PTCH1: variants seen among roughly 807,000 people sequenced by gnomAD.
PTCH1 encodes the protein protein patched homolog 1.
Under a neutral mutation model 144.6 loss-of-function variants are expected in PTCH1, and 14 were observed. The observed-to-expected ratio is 0.10, with a 90% CI of 0.06 to 0.15. PTCH1 has a LOEUF of 0.15. PTCH1 is among the 10% of genes least tolerant of loss of function. The probability of loss-of-function intolerance (pLI) is 1.00; values close to 1 mark genes in which losing one functional copy is unlikely to be tolerated. For synonymous variants in PTCH1, 833 were observed against 793.6 expected (o/e 1.05, Z -0.83); for missense variants, 1,623 against 1,948.3 (o/e 0.83, Z 3.14).
intron 14 of PTCH1, 151 bp downstream of exon 14, chr9:95,468,600 C>T (rs1840249014): frequency 2.9e-6 from 3 of 1,022,264 alleles, no homozygotes; most frequent in Non-Finnish European, 4.5e-6. Flanking sequence ...GCTCTAAAAG[C>T]ATTGACTTTT....
Position 95,508,741 on chromosome 9 carries a change from C to T in PTCH1, c.-380G>A, listed in dbSNP as rs1014287189. On this transcript the variant is annotated 5_prime_UTR_variant, in exon 1 of 24. Transcript: ENST00000331920. ...GGCACTCCTTGCGGTCCCCAACTCC[C>T]CCTACCCGCCCCCCGCCCCGCGCCG... 7.1e-6 allele frequency: 7 copies of T among 985,886 alleles called. No individual in the cohort carries two copies. In the Admixed American group the frequency reaches 1.8e-4, roughly 26 times the overall value. 61.1% of individuals were successfully genotyped at this position (985,886 alleles called of 1,614,324 possible).
chr9:95,456,893 A>G (rs542672103), intron 18 of PTCH1, among the ~76,000 whole-genome samples: 1 of 152,274 alleles, frequency 6.6e-6, no homozygotes, highest in South Asian at 2.1e-4. Context: ...CGGGGTGAAT[A>G]AAAGATTTGC....
intron 23 of PTCH1, 177 bp downstream of exon 23, chr9:95,446,734 A>C (rs1370259167): frequency 2.5e-6 from 2 of 793,180 alleles, no homozygotes; most frequent in Non-Finnish European, 4.1e-6. Flanking sequence ...TGGTTCCCCA[A>C]GGATGACAAA....
rs1346755994 is a variant in PTCH1 at position 95,458,847 on chromosome 9, A to C, written c.2888-554T>G. ...TCTGGGGTCATTCAGTTGACTTGCT[A>C]AACATGATTTGCCCTATTATAATCT... On this transcript the variant is annotated intron_variant, in intron 17 of 23. Coordinates refer to ENST00000331920, the MANE Select transcript of PTCH1 (RefSeq NM_000264.5). This position sits in a 1 kb window ranked among gnomAD's most constrained non-coding sequence, Gnocchi z 4.7. Among the ~76,000 whole-genome samples, 3 of 152,184 alleles carry C rather than the reference A, an allele frequency of 2.0e-5. No individual in the cohort carries two copies. Among genetic ancestry groups the C allele is most frequent in the Non-Finnish European group, 4.4e-5 (3 of 68,032 alleles).
rs1843899190 is a variant in PTCH1, at chr9:95,508,265, G to A, written c.97C>T (p.Arg33Cys). The change falls in exon 1 of 24, where the codon CGC (arginine) becomes TGC (cysteine). Residue 33 changes from arginine to cysteine, a missense_variant. Transcript: ENST00000331920. Reference sequence around the variant, plus strand: ...CGGCGCAGCCCCCCCGTCCGTCTGCGCCTCCCGCCTCCAGCCGGCCGTCCC... The same window carrying A: ...CGGCGCAGCCCCCCCGTCCGTCTGCACCTCCCGCCTCCAGCCGGCCGTCCC... The part of the protein sequence containing the change: ...APGRPAGGGR[R>C]RRTGGLRRAA... 1 of 1,577,366 alleles carries A rather than the reference G, an allele frequency of 6.3e-7. No homozygotes were observed. Among genetic ancestry groups the A allele is most frequent in the Non-Finnish European group, 8.6e-7 (1 of 1,165,268 alleles).
intron 8 of PTCH1, among the ~76,000 whole-genome samples, chr9:95,478,505 T>C (rs1241184746): frequency 6.6e-6 from 1 of 152,172 alleles, no homozygotes; most frequent in East Asian, 1.9e-4. Context: ...CACAATTGAC[T>C]TGCGGTCCCA....
At chr9:95,495,338 C>T (rs955946864) in intron 2 of PTCH1, 14 of 152,220 alleles carry the variant, frequency 9.2e-5, no homozygotes, top group Admixed American at 3.3e-4. Flanking sequence ...AATGTATAAA[C>T]TCATCATAGC....
intron 2 of PTCH1, among the ~76,000 whole-genome samples, chr9:95,496,073 T>A (rs1842769094): frequency 6.6e-6 from 1 of 152,208 alleles, no homozygotes; most frequent in Non-Finnish European, 1.5e-5. Context: ...GGAGGTAAGC[T>A]TTGGCGGCCC....
At chr9:95,495,596 C>T (rs998108149) in intron 2 of PTCH1, among the ~76,000 whole-genome samples, 6 of 152,070 alleles carry the variant, frequency 3.9e-5, no homozygotes, top group African/African-American at 1.4e-4. Context: ...GGAAGAGTTG[C>T]ACTGCTGAAA....
chr9:95,508,002 T>C, intron 1 of PTCH1, 159 bp downstream of exon 1: 2 of 1,517,148 alleles, frequency 1.3e-6, no homozygotes, highest in Non-Finnish European at 1.8e-6. Flanking sequence ...AATTTTTCAA[T>C]CCCCATTTGT....
rs151310492 is a variant in PTCH1 at position 95,506,547 on chromosome 9, C to T, written c.254G>A (p.Arg85Lys). Residue 85 changes from arginine to lysine, a missense_variant, in exon 2 of 24, where the codon AGA (arginine) becomes AAA (lysine). Physicochemically the swap from Arg to Lys is conservative, Grantham distance 26 (BLOSUM62 2). This residue lies in a region of PTCH1 where 245 missense variants were observed against 240.6 expected (regional missense o/e 1.02). Transcript: ENST00000331920. ...APLWLRAKFQ[R>K]LLFKLGCYIQ... ...GTAACAACCCAGTTTAAATAAGAGT[C>T]TCTGAAACTTCGCTCTCAGCCACAG... 65 of 1,613,440 alleles carry T rather than the reference C, an allele frequency of 4.0e-5. No individual in the cohort carries two copies. The highest frequency in any genetic ancestry group is 5.1e-5 in the Non-Finnish European group (60 of 1,179,656).
At chr9:95,507,910 A>ACACC in intron 1 of PTCH1, 1 of 1,370,578 alleles carries the variant, frequency 7.3e-7, no homozygotes, top group Non-Finnish European at 9.5e-7. Context: ...GTGTATACAC[A>ACACC]CACACACACG....
intron 2 of PTCH1, among the ~76,000 whole-genome samples, chr9:95,504,640 GCC>G (rs1843419951): frequency 6.6e-6 from 1 of 152,004 alleles, no homozygotes; most frequent in South Asian, 2.1e-4. Flanking sequence ...CTACGGCAGC[GCC>G]CCTACAGTCT....
chr9:95,507,427 C>G, intron 1 of PTCH1: 9 of 985,474 alleles, frequency 9.1e-6, no homozygotes, highest in Non-Finnish European at 1.1e-5. Flanking sequence ...CCCTGGATTC[C>G]ACACATTTCA....
At position 95,449,941 on chromosome 9, in the gene PTCH1, C is replaced by T. The variant is rs1403732379; in HGVS notation, c.3450-1G>A. On this transcript the variant is annotated splice_acceptor_variant, in intron 20 of 23. Coordinates refer to ENST00000331920, the MANE Select transcript of PTCH1 (RefSeq NM_000264.5). LOFTEE classifies it high-confidence loss of function. This position sits in a 1 kb window ranked among gnomAD's most constrained non-coding sequence, Gnocchi z 5.3. Reference sequence around the variant, plus strand: ...GATCGCCAGCACAGCAAAGAAATACCTGGGAGATCAAGAGGAAACGGGAAC... The same window carrying T: ...GATCGCCAGCACAGCAAAGAAATACTTGGGAGATCAAGAGGAAACGGGAAC... 1 of 1,613,688 alleles carries T rather than the reference C, an allele frequency of 6.2e-7. No individual in the cohort carries two copies.
intron 15 of PTCH1, among the ~76,000 whole-genome samples, chr9:95,463,842 G>A (rs1839763528): frequency 6.6e-6 from 1 of 152,160 alleles, no homozygotes; most frequent in African/African-American, 2.4e-5. Context: ...AGTCACCAGA[G>A]GCAGCTGGAG....
intron 2 of PTCH1, among the ~76,000 whole-genome samples, chr9:95,505,128 AACTCC>A (rs747339088): frequency 1.1e-4 from 17 of 152,210 alleles, no homozygotes; most frequent in Non-Finnish European, 1.9e-4. Context: ...TAAATACTCC[AACTCC>A]ACCCCAGGCT....
In PTCH1 at chr9:95,508,006, C is replaced by T. The variant is rs561701506; in HGVS notation, c.201+155G>A. ...GGGAGGGTTTGAATTTTTCAATCCC[C>T]ATTTGTCTGCTGCTTTTCCTGGAGA... On this transcript the variant is annotated intron_variant, in intron 1 of 23. Coordinates refer to ENST00000331920, the MANE Select transcript of PTCH1 (RefSeq NM_000264.5). The T allele has an allele frequency of 2.8e-4, 425 of 1,521,894 alleles. 4 individuals are homozygous for T. The African/African-American group carries it at 3.9e-3, about 14-fold the overall frequency. 94.3% of individuals were successfully genotyped at this position (1,521,894 alleles called of 1,614,324 possible). A position where few individuals can be genotyped will look rare whatever the true frequency, so the allele number is the denominator to read the frequency against.
Position 95,445,943 on chromosome 9 carries a change from T to G in PTCH1, c.*450A>C, listed in dbSNP as rs192994934. On this transcript the variant is annotated 3_prime_UTR_variant, in exon 24 of 24. Transcript: ENST00000331920. Reference sequence around the variant, plus strand: ...TACCACAGGGTTGTGATATGCAAATTTAAAATATTTTAAACAGAAACCTTT... The same window carrying G: ...TACCACAGGGTTGTGATATGCAAATGTAAAATATTTTAAACAGAAACCTTT... 3.9e-4 allele frequency: 62 copies of G among 160,352 alleles called. No homozygotes were observed. Among genetic ancestry groups the G allele is most frequent in the Admixed American group, 4.3e-4 (7 of 16,440 alleles). The allele number at this position is 160,352 out of a possible 1,614,324, so 9.9% of individuals were successfully genotyped here.
Sources: gnomAD v4.1 joint callset for allele counts (sites outside exome capture counted in the v4.1 genomes callset) on GRCh38, gnomAD v4.1.1 for gene constraint, gnomAD v4.1.1 regional missense constraint, Gnocchi (gnomAD v3.1) non-coding constraint, MANE v1.5 for transcripts, NCBI Gene and HGNC (gene_info 2026-07-23, HGNC 2026-07-21) for gene names.